The following B4GALNT3 variants were observed in gnomAD, a reference collection of about 807,000 sequenced individuals.
B4GALNT3 encodes beta-1,4-N-acetyl-galactosaminyltransferase 3.
A neutral mutation model predicts 120.2 loss-of-function variants in B4GALNT3; 86 were observed. The observed-to-expected ratio is 0.72, with a 90% CI of 0.60 to 0.86. The LOEUF is 0.86. Among genes scored for constraint, B4GALNT3 ranks in the 40% least tolerant of loss-of-function variants. The probability of loss-of-function intolerance (pLI) is 0.00; values close to 1 mark genes in which losing one functional copy is unlikely to be tolerated. For missense variants in B4GALNT3, 1,167 were observed against 1,298.9 expected (o/e 0.90, Z 1.56); for synonymous variants, 518 against 510.4 (o/e 1.01, Z -0.20).
chr12:557,068 CT>C (rs1397643915), intron 15 of B4GALNT3, among the ~76,000 whole-genome samples: 22 of 152,332 alleles, frequency 1.4e-4, no homozygotes, highest in African/African-American at 4.8e-4. Context: ...AAAACAAACA[CT>C]GCCTCATAGG....
Position 554,232 on chromosome 12 carries a change from C to G in B4GALNT3, c.2060+249C>G, listed in dbSNP as rs148164496. On this transcript the variant is annotated intron_variant, in intron 14 of 19. Coordinates refer to ENST00000266383, the MANE Select transcript of B4GALNT3 (RefSeq NM_173593.4). The stretch of plus-strand genomic sequence containing the variant: ...AAATCCCTGGGTGCCTGGCCCAGTA[C>G]GTGTGTTGAGGACTGGAAGGACTCA... Among the ~76,000 whole-genome samples the G allele has an allele frequency of 1.1e-3, 160 of 152,310 alleles. No individual in the cohort carries two copies. Among genetic ancestry groups the G allele is most frequent in the Non-Finnish European group, 1.9e-3 (127 of 68,024 alleles).
intron 1 of B4GALNT3, among the ~76,000 whole-genome samples, chr12:493,338 G>A (rs1946361150): frequency 6.6e-6 from 1 of 152,176 alleles, no homozygotes; most frequent in African/African-American, 2.4e-5. Context: ...TATGTCATTA[G>A]GGAAATGAAA....
chr12:546,615 C>T (rs1445811030), intron 6 of B4GALNT3, 31 bp from the exon 7 acceptor site: 1 of 1,543,796 alleles, frequency 6.5e-7, no homozygotes, highest in Non-Finnish European at 8.8e-7. Flanking sequence ...TTCTCTGTTC[C>T]TCCCTCCTCT....
intron 1 of B4GALNT3, among the ~76,000 whole-genome samples, chr12:534,824 C>G (rs1363080947): frequency 2.0e-5 from 3 of 152,224 alleles, no homozygotes; most frequent in Non-Finnish European, 4.4e-5. Context: ...ACGACCATCT[C>G]TCCACGGCAG....
chr12:463,649 C>T (rs1236594205), intron 1 of B4GALNT3, among the ~76,000 whole-genome samples: 2 of 152,100 alleles, frequency 1.3e-5, no homozygotes, highest in Non-Finnish European at 2.9e-5. Flanking sequence ...TTCTGTGACA[C>T]CTCTTGAAAT....
intron 1 of B4GALNT3, among the ~76,000 whole-genome samples, chr12:525,260 C>A (rs920633035): frequency 1.3e-5 from 2 of 152,080 alleles, no homozygotes; most frequent in African/African-American, 4.8e-5. Context: ...AGGTAAGCAC[C>A]ACCACACCCC....
At position 548,090 on chromosome 12, in the gene B4GALNT3, C is replaced by T. The variant is rs141804572; in HGVS notation, c.774C>T (p.His258=). The change falls in exon 8 of 20, where the codon CAC becomes CAT. Residue 258 remains histidine, a synonymous_variant. Coordinates refer to ENST00000266383, the MANE Select transcript of B4GALNT3 (RefSeq NM_173593.4). The surrounding 1 kb of genome is among the most constrained non-coding windows in gnomAD (Gnocchi z 4.9). ...AGCAGAATGAGGAGGGCACCGACCA[C>T]GTGGAAGTTGCAGTGAGTTTCCTGC... ...LHKQNEEGTD[H]VEVAWRRNDP... is the part of the protein sequence containing the mutation. 35 of 1,613,780 alleles carry T rather than the reference C, an allele frequency of 2.2e-5. No individual in the cohort carries two copies. In the African/African-American group the frequency reaches 3.6e-4, roughly 17 times the overall value.
At chr12:477,079 A>G (rs1169588934) in intron 1 of B4GALNT3, among the ~76,000 whole-genome samples, 7 of 152,196 alleles carry the variant, frequency 4.6e-5, no homozygotes, top group Admixed American at 4.6e-4. Context: ...GAAAGCCTGG[A>G]GAGCTTTAAT....
chr12:479,213 T>TA (rs148616326), intron 1 of B4GALNT3, among the ~76,000 whole-genome samples: 28 of 151,850 alleles, frequency 1.8e-4, no homozygotes, highest in Middle Eastern at 3.4e-3. Context: ...TGGCTTTTTT[T>TA]TTATTATTAT....
intron 1 of B4GALNT3, among the ~76,000 whole-genome samples, chr12:503,363 T>C (rs1022918750): frequency 6.6e-6 from 1 of 152,190 alleles, no homozygotes; most frequent in Non-Finnish European, 1.5e-5. Flanking sequence ...AGCCTCTTTT[T>C]CACTCTGTTG....
intron 1 of B4GALNT3, among the ~76,000 whole-genome samples, chr12:499,169 G>A (rs1946416771): frequency 6.6e-6 from 1 of 152,208 alleles, no homozygotes; most frequent in South Asian, 2.1e-4. Flanking sequence ...GTGAGCAGGT[G>A]GAATCATGGA....
At chr12:559,211 C>G (rs1947195125) in intron 18 of B4GALNT3, 84 bp from the exon 19 acceptor site, 1 of 1,568,184 alleles carries the variant, frequency 6.4e-7, no homozygotes, top group Admixed American at 1.7e-5. Flanking sequence ...TCAGAAGAGC[C>G]TCTAGGCACA....
In B4GALNT3 at chr12:512,756, ACCTTCCG is replaced by A. The variant is rs1202022606; in HGVS notation, c.170-22397_170-22391del. Among the ~76,000 whole-genome samples, 24 of 92,766 alleles carry A rather than the reference ACCTTCCG, an allele frequency of 2.6e-4. 1 individual carries two copies. Among genetic ancestry groups the A allele is most frequent in the African/African-American group, 9.6e-4 (21 of 21,924 alleles). The allele number at this position is 92,766 out of a possible 152,430, so 60.9% of individuals were successfully genotyped here. On this transcript the variant is annotated intron_variant, in intron 1 of 19. Transcript: ENST00000266383. ...TTCCACCTTTGACCTTCCACCTTCCACCTTCCGCCTTCCGCCTTCTGCCTTCCTTCCA... is the reference window on the plus strand; with the variant it reads ...TTCCACCTTTGACCTTCCACCTTCCACCTTCCGCCTTCTGCCTTCCTTCCA...
At chr12:530,701 T>C (rs1946798133) in intron 1 of B4GALNT3, among the ~76,000 whole-genome samples, 1 of 152,054 alleles carries the variant, frequency 6.6e-6, no homozygotes, top group African/African-American at 2.4e-5. Context: ...AACAGGGAGG[T>C]TGAGAAGAGC....
chr12:557,938 C>G, intron 16 of B4GALNT3, 78 bp from the exon 17 acceptor site: 1 of 1,543,526 alleles, frequency 6.5e-7, no homozygotes, highest in Non-Finnish European at 8.9e-7. Context: ...CATCATCTCT[C>G]TTCTATGCCT....
Position 493,587 on chromosome 12 carries a change from T to G in B4GALNT3, c.169+33042T>G, listed in dbSNP as rs549654977. Among the ~76,000 whole-genome samples, 504 of 69,118 alleles carry G rather than the reference T, an allele frequency of 7.3e-3. 4 individuals are homozygous for G. Among genetic ancestry groups the G allele is most frequent in the South Asian group, 0.069 (94 of 1,364 alleles). The allele number at this position is 69,118 out of a possible 152,430, so 45.3% of individuals were successfully genotyped here. ...AGACCTTCTGTACAGTGTTGAAATATAATGGTTTTTTTTTTTTTTTTGGTT... is the reference window on the plus strand; with the variant it reads ...AGACCTTCTGTACAGTGTTGAAATAGAATGGTTTTTTTTTTTTTTTTGGTT... On this transcript the variant is annotated intron_variant, in intron 1 of 19. Transcript: ENST00000266383.
chr12:482,153 G>A (rs1416837155), intron 1 of B4GALNT3, among the ~76,000 whole-genome samples: 1 of 152,204 alleles, frequency 6.6e-6, no homozygotes, highest in Non-Finnish European at 1.5e-5. Context: ...GGGGTATAAA[G>A]AGGTTTGTGG....
At chr12:479,568 C>T (rs1946215086) in intron 1 of B4GALNT3, among the ~76,000 whole-genome samples, 1 of 152,102 alleles carries the variant, frequency 6.6e-6, no homozygotes, top group South Asian at 2.1e-4. Flanking sequence ...TCTAAGGACT[C>T]TCGATAAGGG....
intron 3 of B4GALNT3, among the ~76,000 whole-genome samples, chr12:543,869 C>T (rs1400936442): frequency 2.6e-5 from 3 of 116,562 alleles, no homozygotes; most frequent in African/African-American, 3.4e-5. Flanking sequence ...GGAGCTGGGG[C>T]GGGCATGGGG....
Sources: gnomAD v4.1 joint callset for allele counts (sites outside exome capture counted in the v4.1 genomes callset) on GRCh38, gnomAD v4.1.1 for gene constraint, Gnocchi (gnomAD v3.1) non-coding constraint, MANE v1.5 for transcripts, NCBI Gene and HGNC (gene_info 2026-07-23, HGNC 2026-07-21) for gene names.